R3HDM1: variants seen among roughly 807,000 people sequenced by gnomAD.
The protein encoded by R3HDM1 is R3H domain-containing protein 1.
Under a neutral mutation model 141.1 loss-of-function variants are expected in R3HDM1, and 46 were observed. The ratio of observed to expected loss-of-function variants is 0.33; its 90% confidence interval spans 0.26 to 0.42. R3HDM1 has a LOEUF of 0.42. Ranked by LOEUF, R3HDM1 falls within the 10% of genes least tolerant of loss-of-function variation. The pLI, the probability that R3HDM1 is intolerant of heterozygous loss-of-function variation, is 1.00. For synonymous variants in R3HDM1, 435 were observed against 472.9 expected (o/e 0.92, Z 1.04); for missense variants, 1,184 against 1,368.3 (o/e 0.87, Z 2.12).
intron 1 of R3HDM1, among the ~76,000 whole-genome samples, chr2:135,545,661 G>C (rs1178310092): frequency 6.6e-6 from 1 of 152,156 alleles, no homozygotes; most frequent in African/African-American, 2.4e-5. Context: ...GAATACTGGA[G>C]GTGTGGTTCT....
At chr2:135,570,134 A>G (rs904984137) in intron 1 of R3HDM1, among the ~76,000 whole-genome samples, 1 of 152,190 alleles carries the variant, frequency 6.6e-6, no homozygotes, top group African/African-American at 2.4e-5. Context: ...TTGATTGTAA[A>G]CATCTCTTTT....
intron 18 of R3HDM1, among the ~76,000 whole-genome samples, chr2:135,652,404 C>G (rs938757197): frequency 6.6e-6 from 1 of 152,172 alleles, no homozygotes; most frequent in Non-Finnish European, 1.5e-5. Context: ...GAGGCTGACT[C>G]ACAAGGCTGG....
chr2:135,616,216 CT>C lies in R3HDM1; in HGVS notation c.213+24del, dbSNP rs373643832. ...AAGGTATAGTAAATATTTTGGTGTG[CT>C]GGCATGCCAAGGGCCTTCCTTCATG... On this transcript the variant is annotated intron_variant, in intron 4 of 26. Transcript: ENST00000683871. The C allele has an allele frequency of 1.1e-3, 1,742 of 1,602,702 alleles. 12 individuals carry two copies. In the African/African-American group the frequency reaches 0.019, roughly 18 times the overall value.
At chr2:135,644,507 C>CA (rs1335728035) in intron 15 of R3HDM1, among the ~76,000 whole-genome samples, 2 of 151,634 alleles carry the variant, frequency 1.3e-5, no homozygotes, top group Non-Finnish European at 2.9e-5. Flanking sequence ...GAGACTGTCT[C>CA]AAAAAAACAG....
chr2:135,710,750 A>G (rs182277844), intron 23 of R3HDM1, among the ~76,000 whole-genome samples: 3 of 152,384 alleles, frequency 2.0e-5, no homozygotes, highest in East Asian at 3.8e-4. Context: ...AAGATAAACT[A>G]GATCTAAAAT....
At chr2:135,544,164 A>G (rs1198221102) in intron 1 of R3HDM1, among the ~76,000 whole-genome samples, 1 of 152,200 alleles carries the variant, frequency 6.6e-6, no homozygotes, top group Non-Finnish European at 1.5e-5. Flanking sequence ...ATTCATTTAT[A>G]TTTGTCGACC....
chr2:135,667,754 T>C, intron 19 of R3HDM1: 1 of 982,044 alleles, frequency 1.0e-6, no homozygotes, highest in South Asian at 4.7e-5. Flanking sequence ...TTCTCCCTCT[T>C]TTCCAGATCA....
chr2:135,713,917 G>T (rs965509618), intron 23 of R3HDM1, among the ~76,000 whole-genome samples: 1 of 152,084 alleles, frequency 6.6e-6, no homozygotes, highest in African/African-American at 2.4e-5. Context: ...GAATTCATGA[G>T]TCCATACTGA....
chr2:135,650,746 G>C, intron 17 of R3HDM1: 1 of 981,816 alleles, frequency 1.0e-6, no homozygotes, highest in Non-Finnish European at 1.2e-6. Flanking sequence ...CATTAAATCA[G>C]GCATCTCCTT....
chr2:135,689,010 G>A (rs535229518), intron 21 of R3HDM1, among the ~76,000 whole-genome samples: 44 of 152,206 alleles, frequency 2.9e-4, no homozygotes, highest in Non-Finnish European at 5.6e-4. Context: ...AAAAGGATAA[G>A]AATATGTATT....
chr2:135,709,596 T>C, intron 22 of R3HDM1, 60 bp downstream of exon 22: 1 of 1,573,594 alleles, frequency 6.4e-7, no homozygotes. Flanking sequence ...TTCGATTACT[T>C]TCCTTAGGCA....
chr2:135,581,471 G>T, intron 1 of R3HDM1: 4 of 869,654 alleles, frequency 4.6e-6, no homozygotes, highest in Non-Finnish European at 5.5e-6. Context: ...ACTGTTGATT[G>T]ACCTCACCTG....
intron 21 of R3HDM1, among the ~76,000 whole-genome samples, chr2:135,692,202 G>A (rs1055815338): frequency 1.3e-5 from 2 of 151,894 alleles, no homozygotes; most frequent in Admixed American, 6.6e-5. Flanking sequence ...GAGCCACCAC[G>A]CCCAGCCATT....
At chr2:135,666,198 C>A (rs1484537597) in intron 19 of R3HDM1, among the ~76,000 whole-genome samples, 1 of 152,010 alleles carries the variant, frequency 6.6e-6, no homozygotes, top group African/African-American at 2.4e-5. Context: ...TTTGAAGGCA[C>A]AAATTTAAGA....
At chr2:135,654,458 T>C (rs2105287326) in intron 18 of R3HDM1, among the ~76,000 whole-genome samples, 1 of 152,024 alleles carries the variant, frequency 6.6e-6, no homozygotes, top group East Asian at 1.9e-4. Flanking sequence ...GTTGTTGTTG[T>C]TGTTGTTGTT....
At chr2:135,627,655 C>T (rs1324523272) in intron 7 of R3HDM1, among the ~76,000 whole-genome samples, 1 of 151,844 alleles carries the variant, frequency 6.6e-6, no homozygotes, top group Admixed American at 6.6e-5. Context: ...AAAACAATAC[C>T]ATGGATTAAC....
At chr2:135,622,089 G>A (rs1476740144) in intron 6 of R3HDM1, 1 of 982,780 alleles carries the variant, frequency 1.0e-6, no homozygotes, top group Admixed American at 6.2e-5. Context: ...CAGTTATGTT[G>A]ACCAGTATTA....
Position 135,687,820 on chromosome 2 carries a change from A to G in R3HDM1, c.2459+7496A>G, listed in dbSNP as rs184596444. 4.9e-4 allele frequency among the ~76,000 whole-genome samples: 75 copies of G among 152,232 alleles called. 1 individual carries two copies. The highest frequency in any genetic ancestry group is 1.7e-3 in the African/African-American group (71 of 41,534). On this transcript the variant is annotated intron_variant, in intron 21 of 26. Coordinates refer to ENST00000683871, the MANE Select transcript of R3HDM1 (RefSeq NM_001378107.1). ...GAAAAGTTATCTTTTTGTTTACCTC[A>G]CTGAATTTGAAGTCTACATTTTTAC...
chr2:135,618,879 G>C (rs1365117073), intron 5 of R3HDM1, among the ~76,000 whole-genome samples: 1 of 152,104 alleles, frequency 6.6e-6, no homozygotes, highest in African/African-American at 2.4e-5. Context: ...AATTAGGCAG[G>C]TGTGGTGGCA....
Sources: allele counts gnomAD v4.1 joint callset (sites outside exome capture counted in the v4.1 genomes callset), GRCh38; gene constraint gnomAD v4.1.1; transcripts MANE v1.5; gene names NCBI Gene and HGNC (gene_info 2026-07-23, HGNC 2026-07-21).